Variants in MDGA2 observed in about 807,000 individuals in gnomAD.
The protein encoded by MDGA2 is MAM domain-containing glycosylphosphatidylinositol anchor protein 2.
A neutral mutation model predicts 117.8 loss-of-function variants in MDGA2; 40 were observed. The ratio of observed to expected loss-of-function variants is 0.34; its 90% CI spans 0.26 to 0.44. MDGA2 has a LOEUF of 0.44. Ranked by LOEUF, MDGA2 falls within the 20% of genes least tolerant of loss-of-function variation. The probability of loss-of-function intolerance (pLI) is 1.00; values close to 1 mark genes in which losing one functional copy is unlikely to be tolerated. For missense variants in MDGA2, 1,123 were observed against 1,250.6 expected, an observed-to-expected ratio of 0.90 and a Z score of 1.54; for synonymous variants, 452 against 439.0, an observed-to-expected ratio of 1.03 and a Z score of -0.37.
At chr14:47,229,978 A>AT (rs1344586680) in intron 2 of MDGA2, among the ~76,000 whole-genome samples, 1 of 151,984 alleles carries the variant, frequency 6.6e-6, no homozygotes, top group Admixed American at 6.6e-5. Context: ...CAAATGGAAG[A>AT]TTTTTTTTAA....
intron 3 of MDGA2, among the ~76,000 whole-genome samples, chr14:47,161,981 T>TGTTATCC (rs1224634593): frequency 1.6e-5 from 2 of 121,594 alleles, no homozygotes; most frequent in African/African-American, 6.2e-5. Flanking sequence ...AGTCTTGTTC[T>TGTTATCC]GTTATCCAGG....
chr14:46,972,070 C>T (rs915566788), intron 8 of MDGA2, among the ~76,000 whole-genome samples: 1 of 152,028 alleles, frequency 6.6e-6, no homozygotes, highest in Non-Finnish European at 1.5e-5. Context: ...TCATGGGAAC[C>T]TCAGAATCTA....
intron 1 of MDGA2, among the ~76,000 whole-genome samples, chr14:47,473,573 T>C (rs1893773903): frequency 6.6e-6 from 1 of 151,550 alleles, no homozygotes; most frequent in African/African-American, 2.4e-5. Flanking sequence ...ATGAAGAAAA[T>C]TGAAAAGCAA....
intron 3 of MDGA2, among the ~76,000 whole-genome samples, chr14:47,154,819 C>A (rs895624168): frequency 1.3e-5 from 2 of 152,192 alleles, no homozygotes; most frequent in Admixed American, 1.3e-4. Context: ...AGATAGGCGG[C>A]TGGGCGGAAA....
chr14:47,022,376 G>C (rs1165843528), intron 8 of MDGA2, among the ~76,000 whole-genome samples: 1 of 152,028 alleles, frequency 6.6e-6, no homozygotes, highest in Admixed American at 6.6e-5. Flanking sequence ...ACCACACCCA[G>C]CCCAAATAAA....
rs190223170 is a variant in MDGA2 at position 47,045,086 on chromosome 14, G to T, written c.1526-9782C>A. Among the ~76,000 whole-genome samples, 47 of 152,238 alleles carry T rather than the reference G, an allele frequency of 3.1e-4. No individual in the cohort carries two copies. In the East Asian group the frequency reaches 8.7e-3, roughly 28 times the overall value. On this transcript the variant is annotated intron_variant, in intron 7 of 16. Coordinates refer to ENST00000399232, the MANE Select transcript of MDGA2 (RefSeq NM_001113498.3). ...AGAATAGTCTCTGAGGGATTCAATA[G>T]AATACAAAGTGTAAGATGAAAGAAC...
chr14:47,021,058 A>G (rs1888268076), intron 8 of MDGA2, among the ~76,000 whole-genome samples: 1 of 152,206 alleles, frequency 6.6e-6, no homozygotes, highest in African/African-American at 2.4e-5. Context: ...GCTGCAAAGA[A>G]TATCTACAAA....
chr14:47,329,675 T>A (rs1890239978), intron 1 of MDGA2, among the ~76,000 whole-genome samples: 1 of 152,052 alleles, frequency 6.6e-6, no homozygotes, highest in Non-Finnish European at 1.5e-5. Flanking sequence ...ACTTGGAAAG[T>A]CTCAAATTTT....
chr14:46,851,889 T>C (rs1257960719), intron 15 of MDGA2, among the ~76,000 whole-genome samples: 5 of 143,404 alleles, frequency 3.5e-5, no homozygotes, highest in Non-Finnish European at 7.7e-5. Context: ...TTTGACAAGT[T>C]ATAAAAGATT....
intron 5 of MDGA2, among the ~76,000 whole-genome samples, chr14:47,128,189 A>G (rs962215096): frequency 3.3e-5 from 5 of 152,044 alleles, no homozygotes; most frequent in Admixed American, 2.0e-4. Context: ...TCCAGTGAGG[A>G]TGCTTTAATT....
At chr14:46,845,043 A>T (rs1286670213) in intron 16 of MDGA2, among the ~76,000 whole-genome samples, 5 of 152,142 alleles carry the variant, frequency 3.3e-5, no homozygotes, top group Non-Finnish European at 5.9e-5. Context: ...CGCCCGGCTA[A>T]TATTTTTTCT....
At chr14:47,552,641 C>CT (rs1219061855) in intron 1 of MDGA2, among the ~76,000 whole-genome samples, 1 of 152,048 alleles carries the variant, frequency 6.6e-6, no homozygotes, top group Non-Finnish European at 1.5e-5. Context: ...CCTAACTGGT[C>CT]TTTTTCTTTC....
intron 9 of MDGA2, among the ~76,000 whole-genome samples, chr14:46,952,844 T>C (rs139686667): frequency 2.0e-5 from 3 of 152,108 alleles, no homozygotes; most frequent in African/African-American, 4.8e-5. Context: ...GATTATGCTA[T>C]ATATTTTATT....
chr14:47,143,890 TTAAC>T (rs1463758976), intron 4 of MDGA2, among the ~76,000 whole-genome samples, 184 bp downstream of exon 4: 11 of 152,330 alleles, frequency 7.2e-5, no homozygotes, highest in Non-Finnish European at 1.3e-4. Flanking sequence ...CATTTTAAAT[TTAAC>T]TAACCACATA....
intron 8 of MDGA2, among the ~76,000 whole-genome samples, chr14:47,015,250 A>G (rs141236487): frequency 6.6e-6 from 1 of 152,206 alleles, no homozygotes; most frequent in East Asian, 1.9e-4. Flanking sequence ...ATATAATAAT[A>G]ATAAAAAAGT....
chr14:47,494,926 A>G (rs926448196), intron 1 of MDGA2, among the ~76,000 whole-genome samples: 2 of 149,770 alleles, frequency 1.3e-5, no homozygotes, highest in Non-Finnish European at 3.0e-5. Flanking sequence ...GTGTATATAT[A>G]TATTTTACAT....
intron 1 of MDGA2, among the ~76,000 whole-genome samples, chr14:47,645,874 C>A (rs932351792): frequency 2.6e-5 from 4 of 151,344 alleles, no homozygotes; most frequent in Non-Finnish European, 5.9e-5. Context: ...AGATCGAGAC[C>A]ATCCTGGCTA....
chr14:47,580,877 A>C (rs879921269), intron 1 of MDGA2, among the ~76,000 whole-genome samples: 12 of 151,986 alleles, frequency 7.9e-5, no homozygotes, highest in Admixed American at 7.9e-4. Flanking sequence ...CACAGGTTAC[A>C]CATCAAAGGA....
At chr14:47,137,686 C>T (rs1882523476) in intron 4 of MDGA2, among the ~76,000 whole-genome samples, 1 of 152,060 alleles carries the variant, frequency 6.6e-6, no homozygotes, top group South Asian at 2.1e-4. Context: ...TATACATTAC[C>T]TAATCTCAGG....
Sources: allele counts gnomAD v4.1 joint callset (sites outside exome capture counted in the v4.1 genomes callset), GRCh38; gene constraint gnomAD v4.1.1; transcripts MANE v1.5; gene names NCBI Gene and HGNC (gene_info 2026-07-23, HGNC 2026-07-21).